ODC1: variants seen among roughly 807,000 people sequenced by gnomAD.
ODC1 encodes ornithine decarboxylase 1, also known as ornithine decarboxylase.
Under a neutral mutation model 41.5 loss-of-function variants are expected in ODC1, and 18 were observed. That is an observed-to-expected ratio of 0.43 (90% CI 0.30 to 0.64). The LOEUF (loss-of-function observed/expected upper bound fraction) is 0.64, where lower values mean the gene tolerates loss of function less well. Among genes scored for constraint, ODC1 ranks in the 30% least tolerant of loss-of-function variants. The pLI is 0.11. For missense variants in ODC1, 504 were observed against 589.0 expected (o/e 0.86, Z 1.49); for synonymous variants, 218 against 211.6 (o/e 1.03, Z -0.26).
At chr2:10,443,180 A>G in intron 8 of ODC1, 50 bp downstream of exon 8, 1 of 1,423,910 alleles carries the variant, frequency 7.0e-7, no homozygotes, top group African/African-American at 1.4e-5. Flanking sequence ...TATTCCAAAA[A>G]GGAATTTATT....
chr2:10,444,353 C>G, intron 4 of ODC1, 86 bp from the exon 5 acceptor site: 1 of 1,508,834 alleles, frequency 6.6e-7, no homozygotes, highest in Admixed American at 2.1e-5. Context: ...GTCATGTACC[C>G]CCCCGCCCCA....
intron 7 of ODC1, 73 bp downstream of exon 7, chr2:10,443,417 G>C: frequency 6.4e-7 from 1 of 1,566,236 alleles, no homozygotes; most frequent in African/African-American, 1.4e-5. Context: ...GCCATAAAAA[G>C]TTAACTCTAG....
intron 8 of ODC1, among the ~76,000 whole-genome samples, chr2:10,442,544 C>T (rs1316905510): frequency 1.3e-5 from 2 of 152,106 alleles, no homozygotes. Flanking sequence ...TTTAACAAAC[C>T]ATGTGGATAT....
Position 10,441,674 on chromosome 2 carries a change from G to C in ODC1, c.1076C>G (p.Thr359Arg), listed in dbSNP as rs1318463948. ...KYYSSSIWGP[T>R]CDGLDRIVER... The stretch of plus-strand genomic sequence containing the variant: ...AACAATCCGATCGAGGCCATCACAT[G>C]TTGGTCCCCATATGCTGGATGAATA... The change falls in exon 11 of 12, where the codon ACA becomes AGA. Residue 359 changes from threonine to arginine, a missense_variant. By Grantham distance (71) the Thr-to-Arg change is moderately conservative (BLOSUM62 -1). Transcript: ENST00000234111. 6.2e-7 allele frequency: 1 copy of C among 1,614,104 alleles called. No individual in the cohort carries two copies. The highest frequency in any genetic ancestry group is 8.5e-7 in the Non-Finnish European group (1 of 1,180,062).
intron 1 of ODC1, chr2:10,446,657 TA>T (rs1178711331): frequency 1.3e-5 from 4 of 312,514 alleles, no homozygotes; most frequent in Non-Finnish European, 2.4e-5. Context: ...CCAGCTTTCT[TA>T]AAATTATTTA....
At chr2:10,448,039 G>T (rs1170916925) in intron 1 of ODC1, 82 bp downstream of exon 1, 1 of 155,386 alleles carries the variant, frequency 6.4e-6, no homozygotes, top group African/African-American at 2.4e-5. Flanking sequence ...CGCCGCACAC[G>T]TGCCCGGGGC....
Position 10,446,717 on chromosome 2 carries a change from T to C in ODC1, c.-128+1404A>G, listed in dbSNP as rs551574424. The C allele has an allele frequency of 9.6e-5, 43 of 447,594 alleles. 2 individuals carry two copies. The Middle Eastern group carries it at 1.4e-3, about 15-fold the overall frequency. 27.7% of individuals were successfully genotyped at this position (447,594 alleles called of 1,614,324 possible). On this transcript the variant is annotated intron_variant, in intron 1 of 11. Transcript: ENST00000234111. ...CAGGTAGAGCTTTCTTCTTTTCCAC[T>C]GTGCAACCCACTTCAGTGCCAGCAG...
At position 10,447,163 on chromosome 2, in the gene ODC1, G is replaced by A. The variant is rs528929021; in HGVS notation, c.-128+958C>T. On this transcript the variant is annotated intron_variant, in intron 1 of 11. Transcript: ENST00000234111. ...TTTTTTGCTTTTCTGTATCTTTTAAGGCGTTACTTAAGTAACTTACTTGAA... is the reference window on the plus strand; with the variant it reads ...TTTTTTGCTTTTCTGTATCTTTTAAAGCGTTACTTAAGTAACTTACTTGAA... 3.3e-5 allele frequency among the ~76,000 whole-genome samples: 5 copies of A among 152,156 alleles called. No homozygotes were observed. In the South Asian group the frequency reaches 1.0e-3, roughly 32 times the overall value.
At chr2:10,446,074 TC>T (rs1266903283) in intron 1 of ODC1, among the ~76,000 whole-genome samples, 1 of 152,204 alleles carries the variant, frequency 6.6e-6, no homozygotes, top group Non-Finnish European at 1.5e-5. Flanking sequence ...AAAACTGTAA[TC>T]TTCAAGTCAA....
intron 1 of ODC1, among the ~76,000 whole-genome samples, chr2:10,445,649 T>C (rs1354228904): frequency 1.3e-5 from 2 of 152,248 alleles, no homozygotes; most frequent in Non-Finnish European, 2.9e-5. Flanking sequence ...TTTTTTATTT[T>C]TTTTGAGACA....
At chr2:10,444,696 C>A in intron 3 of ODC1, 49 bp from the exon 4 acceptor site, 1 of 1,527,724 alleles carries the variant, frequency 6.5e-7, no homozygotes, top group Non-Finnish European at 8.9e-7. Flanking sequence ...TCACCACACA[C>A]CACACCAATA....
chr2:10,442,388 C>T (rs1671860273), intron 8 of ODC1, among the ~76,000 whole-genome samples: 1 of 152,168 alleles, frequency 6.6e-6, no homozygotes, highest in Non-Finnish European at 1.5e-5. Flanking sequence ...CTCCAGGCAC[C>T]CTATCTCCTT....
Position 10,441,629 on chromosome 2 carries a change from T to G in ODC1, c.1121A>C (p.Glu374Ala). Residue 374 changes from glutamate (E) to alanine (A), a missense_variant, in exon 11 of 12, where the codon GAA becomes GCA. Coordinates refer to ENST00000234111, the MANE Select transcript of ODC1 (RefSeq NM_002539.3). ...DRIVERCDLPEMHVGDWMLFE... is the reference protein window; with the variant it reads ...DRIVERCDLPAMHVGDWMLFE... ...GAGCATCCAATCACCCACATGCATTTCAGGCAGGTCACAGCGCTCAACAAT... is the reference window on the plus strand; with the variant it reads ...GAGCATCCAATCACCCACATGCATTGCAGGCAGGTCACAGCGCTCAACAAT... The G allele has an allele frequency of 6.2e-7, 1 of 1,614,196 alleles. No individual in the cohort carries two copies. The highest frequency in any genetic ancestry group is 8.5e-7 in the Non-Finnish European group (1 of 1,180,044).
In ODC1 at chr2:10,440,600, G is replaced by A. The variant is rs2148065958; in HGVS notation, c.*124C>T. ...TGACCCATATCCTAGTCTTCCATAT[G>A]GCTGCATCATGGCGACCCTACTCTT... On this transcript the variant is annotated 3_prime_UTR_variant, in exon 12 of 12. Coordinates refer to ENST00000234111, the MANE Select transcript of ODC1 (RefSeq NM_002539.3). The A allele has an allele frequency of 1.1e-6, 1 of 889,208 alleles. No individual in the cohort carries two copies. Among genetic ancestry groups the A allele is most frequent in the East Asian group, 2.5e-5 (1 of 39,224 alleles). 55.1% of individuals were successfully genotyped at this position (889,208 alleles called of 1,614,324 possible).
intron 1 of ODC1, chr2:10,447,490 C>G (rs935721463): frequency 6.6e-6 from 1 of 152,268 alleles, no homozygotes; most frequent in African/African-American, 2.4e-5. Context: ...GCTGTCTCCC[C>G]TGTGTATGTC....
chr2:10,444,830 CAA>C, intron 3 of ODC1, 99 bp downstream of exon 3: 1 of 916,672 alleles, frequency 1.1e-6, no homozygotes, highest in Non-Finnish European at 1.7e-6. Context: ...CATTCCATAA[CAA>C]GACATGTAAG....
intron 4 of ODC1, 33 bp from the exon 5 acceptor site, chr2:10,444,300 A>G (rs1416986306): frequency 6.5e-7 from 1 of 1,550,052 alleles, no homozygotes; most frequent in Non-Finnish European, 8.7e-7. Context: ...TGCTATCCAT[A>G]TGTGGCTTAA....
Position 10,442,030 on chromosome 2 carries a change from C to T in ODC1, c.895G>A (p.Glu299Lys). The T allele has an allele frequency of 6.2e-7, 1 of 1,613,916 alleles. No individual in the cohort carries two copies. The highest frequency in any genetic ancestry group is 8.5e-7 in the Non-Finnish European group (1 of 1,179,886). The part of the protein sequence containing the change: ...NIIAKKIVLK[E>K]QTGSDDEDES... ...TACATACCATCAGAGCCCGTCTGTT[C>T]CTTTAATACAATTTTCTTGGCAATG... The change falls in exon 9 of 12, where the codon GAA becomes AAA. Residue 299 changes from glutamate (E) to lysine (K), a missense_variant. By Grantham distance (56) the Glu-to-Lys change is moderately conservative. This residue lies in a region of ODC1 where 447 missense variants were observed against 524.4 expected (regional missense o/e 0.85). Transcript: ENST00000234111.
At chr2:10,444,358 G>A (rs1165531980) in intron 4 of ODC1, 91 bp from the exon 5 acceptor site, 16 of 1,497,026 alleles carry the variant, frequency 1.1e-5, no homozygotes, top group Middle Eastern at 1.9e-4. Context: ...GTACCCCCCC[G>A]CCCCATTTGC....
Sources: gnomAD v4.1 joint callset for allele counts (sites outside exome capture counted in the v4.1 genomes callset) on GRCh38, gnomAD v4.1.1 for gene constraint, gnomAD v4.1.1 regional missense constraint, MANE v1.5 for transcripts, NCBI Gene and HGNC (gene_info 2026-07-23, HGNC 2026-07-21) for gene names.